The following RANBP6 variants were observed in gnomAD, a reference collection of about 807,000 sequenced individuals.
The protein encoded by RANBP6 is RAN binding protein 6.
RANBP6 carries 10 observed loss-of-function variants against 35.3 expected under a neutral mutation model. That is an observed-to-expected ratio of 0.28 (90% CI 0.17 to 0.48). RANBP6 has a LOEUF of 0.48. Ranked by LOEUF, RANBP6 falls within the 20% of genes least tolerant of loss-of-function variation. The probability of loss-of-function intolerance (pLI) is 0.99; values close to 1 mark genes in which losing one functional copy is unlikely to be tolerated. For synonymous variants in RANBP6, 514 were observed against 464.2 expected (o/e 1.11, Z -1.38); for missense variants, 1,392 against 1,307.7 (o/e 1.06, Z -0.99).
rs762843335 is a variant in RANBP6 at position 6,014,538 on chromosome 9, C to G, written c.1070G>C (p.Gly357Ala). ...TGGTAAAACAACTTTTCCACCAAGC[C>G]CACAAGCCAGTCTGTCTAGTGCACT... The part of the protein sequence containing the change: ...AESALDRLAC[G>A]LGGKVVLPMT... The change falls in exon 1 of 1, where the codon GGG (glycine) becomes GCG (alanine). Residue 357 changes from glycine to alanine, a missense_variant. Transcript: ENST00000259569. 8.7e-6 allele frequency: 14 copies of G among 1,614,016 alleles called. No homozygotes were observed. Among genetic ancestry groups the G allele is most frequent in the Non-Finnish European group, 1.1e-5 (13 of 1,180,036 alleles).
rs764855868 is a variant in RANBP6, at chr9:6,013,986, A to G, written c.1622T>C (p.Ile541Thr). ...AATGTGCTTTAGTGAGGGCATGAAT[A>G]TATCATAATATGGGACAAATTTTTC... ...IEEKFVPYYDIFMPSLKHIVE... is the reference protein window; with the variant it reads ...IEEKFVPYYDTFMPSLKHIVE... The change falls in exon 1 of 1, where the codon ATA (isoleucine) becomes ACA (threonine). Residue 541 changes from isoleucine (I) to threonine (T), a missense_variant. By Grantham distance (89) the Ile-to-Thr change is moderately conservative. Transcript: ENST00000259569. 18 of 1,613,822 alleles carry G rather than the reference A, an allele frequency of 1.1e-5. No homozygotes were observed. The highest frequency in any genetic ancestry group is 1.3e-5 in the Non-Finnish European group (15 of 1,179,966).
chr9:6,013,555 C>T lies in RANBP6; in HGVS notation c.2053G>A (p.Ala685Thr). 1 of 1,614,226 alleles carries T rather than the reference C, an allele frequency of 6.2e-7. No homozygotes were observed. The highest frequency in any genetic ancestry group is 8.5e-7 in the Non-Finnish European group (1 of 1,180,026). The change falls in exon 1 of 1, where the codon GCA becomes ACA. Residue 685 changes from alanine to threonine, a missense_variant. Ala to Thr is a moderately conservative substitution (Grantham distance 58). Transcript: ENST00000259569. ...AACATTTGGCAAGCAGTTGCTTTTG[C>T]TTCAAGTCCTGAAGTTTTAATTCCA... is the stretch of plus-strand genomic sequence containing the variant. Reference protein sequence around the residue: ...SFGIKTSGLEAKATACQMLVY... With the variant: ...SFGIKTSGLETKATACQMLVY...
rs747700133 is a variant in RANBP6, at chr9:6,015,432, T to C, written c.176A>G (p.Asn59Ser). ...KTTFLLDAVR[N>S]RRAGYEVRQM... ...TCTCACCTCATAACCTGCTCTTCTA[T>C]TTCTGACGGCATCTAAGAGGAAGGT... Residue 59 changes from asparagine (N) to serine (S), a missense_variant, in exon 1 of 1, where the codon AAT (asparagine) becomes AGT (serine). By Grantham distance (46) the Asn-to-Ser change is conservative (BLOSUM62 1). Coordinates refer to ENST00000259569, the MANE Select transcript of RANBP6 (RefSeq NM_012416.4). 3 of 1,614,212 alleles carry C rather than the reference T, an allele frequency of 1.9e-6. No individual in the cohort carries two copies. Among genetic ancestry groups the C allele is most frequent in the Admixed American group, 1.7e-5 (1 of 60,030 alleles).
In RANBP6 at chr9:6,014,458, G is replaced by A; in HGVS notation, c.1150C>T (p.His384Tyr). 1.2e-6 allele frequency: 2 copies of A among 1,614,200 alleles called. No individual in the cohort carries two copies. Among genetic ancestry groups the A allele is most frequent in the African/African-American group, 2.7e-5 (2 of 75,032 alleles). The change falls in exon 1 of 1, where the codon CAT (histidine) becomes TAT (tyrosine). Residue 384 changes from histidine to tyrosine, a missense_variant. Coordinates refer to ENST00000259569, the MANE Select transcript of RANBP6 (RefSeq NM_012416.4). ...MLQSPDWKYR[H>Y]AGLMALSAIG... ...GCAGATAAGGCCATTAATCCAGCAT[G>A]TCGATACTTCCAGTCAGGGCTCTGA...
At position 6,015,264 on chromosome 9, in the gene RANBP6, T is replaced by G; in HGVS notation, c.344A>C (p.Lys115Thr). Reference protein sequence around the residue: ...VKLETHASMRKKLCDIFAVLA... With the variant: ...VKLETHASMRTKLCDIFAVLA... ...CACTGCAAAAATATCACAAAGTTTT[T>G]TCCTCATGCTAGCATGTGTTTCTAA... Residue 115 changes from lysine (K) to threonine (T), a missense_variant, in exon 1 of 1, where the codon AAA becomes ACA. By Grantham distance (78) the Lys-to-Thr change is moderately conservative. Coordinates refer to ENST00000259569, the MANE Select transcript of RANBP6 (RefSeq NM_012416.4). 1 of 1,614,240 alleles carries G rather than the reference T, an allele frequency of 6.2e-7. No homozygotes were observed. Among genetic ancestry groups the G allele is most frequent in the Non-Finnish European group, 8.5e-7 (1 of 1,180,040 alleles).
chr9:6,013,330 G>C lies in RANBP6; in HGVS notation c.2278C>G (p.Pro760Ala), dbSNP rs1218382017. 6.2e-7 allele frequency: 1 copy of C among 1,613,944 alleles called. No homozygotes were observed. The highest frequency in any genetic ancestry group is 2.2e-5 in the East Asian group (1 of 44,890). The change falls in exon 1 of 1, where the codon CCC becomes GCC. Residue 760 changes from proline (P) to alanine (A), a missense_variant. Physicochemically the swap from Pro to Ala is conservative, Grantham distance 27. Coordinates refer to ENST00000259569, the MANE Select transcript of RANBP6 (RefSeq NM_012416.4). ...LAQMWQFICD[P>A]LIKAIGTEPD... ...TCAGTACCAATAGCCTTGATTAAGG[G>C]GTCACATATGAATTGCCACATCTGT...
rs117422236 is a variant in RANBP6, at chr9:6,013,523, G to A, written c.2085C>T (p.Tyr695=). ...AKATACQMLV[Y]YAKELREGFV... Reference sequence around the variant, plus strand: ...ACCCTTCCCTTAACTCCTTAGCATAGTAAACCAACATTTGGCAAGCAGTTG... The same window carrying A: ...ACCCTTCCCTTAACTCCTTAGCATAATAAACCAACATTTGGCAAGCAGTTG... Residue 695 remains tyrosine, a synonymous_variant, in exon 1 of 1, where the codon TAC becomes TAT. Transcript: ENST00000259569. 1.4e-3 allele frequency: 2,313 copies of A among 1,614,158 alleles called. 5 individuals are homozygous for A. The highest frequency in any genetic ancestry group is 1.6e-3 in the Non-Finnish European group (1,894 of 1,180,022).
In RANBP6 at chr9:6,012,733, G is replaced by C; in HGVS notation, c.2875C>G (p.Leu959Val). The C allele has an allele frequency of 6.2e-7, 1 of 1,614,082 alleles. No individual in the cohort carries two copies. Among genetic ancestry groups the C allele is most frequent in the Non-Finnish European group, 8.5e-7 (1 of 1,180,026 alleles). ...RSLCSEAVPL[L>V]VKVIKCANSK... The stretch of plus-strand genomic sequence containing the variant: ...TTTGCACACTTAATAACTTTTACCA[G>C]AAGTGGAACAGCTTCTGAACATAAA... The change falls in exon 1 of 1, where the codon CTG becomes GTG. Residue 959 changes from leucine (L) to valine (V), a missense_variant. Transcript: ENST00000259569.
rs1443800397 is a variant in RANBP6, at chr9:6,015,596, G to A, written c.12C>T (p.Thr4=). MAA[T]ASAGVPATVS... ...CGGTCGCCGGCACCCCTGCAGACGC[G>A]GTTGCCGCCATTGCGCTCTGTCAAA... Residue 4 remains threonine (T), a synonymous_variant, in exon 1 of 1, where the codon ACC becomes ACT. Coordinates refer to ENST00000259569, the MANE Select transcript of RANBP6 (RefSeq NM_012416.4). 6 of 1,595,016 alleles carry A rather than the reference G, an allele frequency of 3.8e-6. No individual in the cohort carries two copies. The highest frequency in any genetic ancestry group is 4.3e-6 in the Non-Finnish European group (5 of 1,176,424).
rs1842527543 is a variant in RANBP6 at position 6,013,989 on chromosome 9, T to G, written c.1619A>C (p.Asp540Ala). The change falls in exon 1 of 1, where the codon GAT becomes GCT. Residue 540 changes from aspartate to alanine, a missense_variant. By Grantham distance (126) the Asp-to-Ala change is moderately radical. Transcript: ENST00000259569. ...TIEEKFVPYYDIFMPSLKHIV... is the reference protein window; with the variant it reads ...TIEEKFVPYYAIFMPSLKHIV... ...GTGCTTTAGTGAGGGCATGAATATA[T>G]CATAATATGGGACAAATTTTTCTTC... 1 of 1,613,794 alleles carries G rather than the reference T, an allele frequency of 6.2e-7. No homozygotes were observed. Among genetic ancestry groups the G allele is most frequent in the African/African-American group, 1.3e-5 (1 of 74,926 alleles).
chr9:6,013,321 T>C lies in RANBP6; in HGVS notation c.2287A>G (p.Lys763Glu). 1 of 1,614,164 alleles carries C rather than the reference T, an allele frequency of 6.2e-7. No homozygotes were observed. The highest frequency in any genetic ancestry group is 1.1e-5 in the South Asian group (1 of 91,084). ...GTATCTGGTTCAGTACCAATAGCCT[T>C]GATTAAGGGGTCACATATGAATTGC... ...MWQFICDPLI[K>E]AIGTEPDTDV... Residue 763 changes from lysine to glutamate, a missense_variant, in exon 1 of 1, where the codon AAG becomes GAG. Lys to Glu is a moderately conservative substitution (Grantham distance 56, BLOSUM62 1). Transcript: ENST00000259569.
In RANBP6 at chr9:6,012,903, T is replaced by C; in HGVS notation, c.2705A>G (p.His902Arg). 6.2e-7 allele frequency: 1 copy of C among 1,614,178 alleles called. No homozygotes were observed. The change falls in exon 1 of 1, where the codon CAC (histidine) becomes CGC (arginine). Residue 902 changes from histidine (H) to arginine (R), a missense_variant. His to Arg is a conservative substitution (Grantham distance 29). Transcript: ENST00000259569. ...ATATTTAAATGAAGTTGGACTGCAG[T>C]GCTCTATGATGTCATCAAATATGCA... ...GLCIFDDIIE[H>R]CSPTSFKYVE...
Position 6,013,326 on chromosome 9 carries a change from A to T in RANBP6, c.2282T>A (p.Leu761Ter). The change falls in exon 1 of 1, where the codon TTA becomes TAA. Residue 761 changes from leucine (L) to a stop codon, truncating the protein, a stop_gained. Coordinates refer to ENST00000259569, the MANE Select transcript of RANBP6 (RefSeq NM_012416.4). LOFTEE classifies it high-confidence loss of function. ...AQMWQFICDP[L>*]IKAIGTEPDT... ...TGGTTCAGTACCAATAGCCTTGATT[A>T]AGGGGTCACATATGAATTGCCACAT... The T allele has an allele frequency of 6.2e-7, 1 of 1,614,202 alleles. No homozygotes were observed. The highest frequency in any genetic ancestry group is 1.1e-5 in the South Asian group (1 of 91,088).
Position 6,012,763 on chromosome 9 carries a change from G to C in RANBP6, c.2845C>G (p.Arg949Gly), listed in dbSNP as rs147043824. 1 of 1,613,978 alleles carries C rather than the reference G, an allele frequency of 6.2e-7. No individual in the cohort carries two copies. Among genetic ancestry groups the C allele is most frequent in the Admixed American group, 1.7e-5 (1 of 59,990 alleles). Reference sequence around the variant, plus strand: ...GGAACAGCTTCTGAACATAAAGAACGATAATCATCTCCACCAAACTGTGCC... The same window carrying C: ...GGAACAGCTTCTGAACATAAAGAACCATAATCATCTCCACCAAACTGTGCC... Reference protein sequence around the residue: ...VMAQFGGDDYRSLCSEAVPLL... With the variant: ...VMAQFGGDDYGSLCSEAVPLL... The change falls in exon 1 of 1, where the codon CGT becomes GGT. Residue 949 changes from arginine (R) to glycine (G), a missense_variant. By Grantham distance (125) the Arg-to-Gly change is moderately radical. Transcript: ENST00000259569.
In RANBP6 at chr9:6,011,519, A is replaced by C. The variant is rs1842469964; in HGVS notation, c.*771T>G. On this transcript the variant is annotated 3_prime_UTR_variant, in exon 1 of 1. Coordinates refer to ENST00000259569, the MANE Select transcript of RANBP6 (RefSeq NM_012416.4). ...AAATAATACTCTGCTGAAACACATA[A>C]CACTGACTCCCAAGAATACTGCTTA... is the stretch of plus-strand genomic sequence containing the variant. 6.6e-6 allele frequency: 1 copy of C among 152,202 alleles called. No individual in the cohort carries two copies. Among genetic ancestry groups the C allele is most frequent in the African/African-American group, 2.4e-5 (1 of 41,428 alleles). The allele number at this position is 152,202 out of a possible 1,614,324, so 9.4% of individuals were successfully genotyped here.
In RANBP6 at chr9:6,014,234, C is replaced by T; in HGVS notation, c.1374G>A (p.Met458Ile). ...GCACACGCTGATTACCTTGATTTTC[C>T]ATGGTACGTAACAGAGCTGCAATCA... is the stretch of plus-strand genomic sequence containing the variant. Reference protein sequence around the residue: ...ETVIAALLRTMENQGNQRVQS... With the variant: ...ETVIAALLRTIENQGNQRVQS... The change falls in exon 1 of 1, where the codon ATG becomes ATA. Residue 458 changes from methionine to isoleucine, a missense_variant. By Grantham distance (10) the Met-to-Ile change is conservative (BLOSUM62 1). Transcript: ENST00000259569. The T allele has an allele frequency of 6.2e-7, 1 of 1,613,682 alleles. No individual in the cohort carries two copies. Among genetic ancestry groups the T allele is most frequent in the Non-Finnish European group, 8.5e-7 (1 of 1,179,874 alleles).
At position 6,012,389 on chromosome 9, in the gene RANBP6, C is replaced by T; in HGVS notation, c.3219G>A (p.Val1073=). 1 of 1,613,906 alleles carries T rather than the reference C, an allele frequency of 6.2e-7. No individual in the cohort carries two copies. ...AATCTTCAGAAGTCTGTACCTGACGCACGACATTAGCTAGGCGTTTGGCAC... is the reference window on the plus strand; with the variant it reads ...AATCTTCAGAAGTCTGTACCTGACGTACGACATTAGCTAGGCGTTTGGCAC... The part of the protein sequence containing the change: ...DPCAKRLANV[V]RQVQTSEDLW... The change falls in exon 1 of 1, where the codon GTG becomes GTA. Residue 1073 remains valine, a synonymous_variant. Transcript: ENST00000259569.
rs1842508240 is a variant in RANBP6, at chr9:6,013,270, A to G, written c.2338T>C (p.Ser780Pro). Reference sequence around the variant, plus strand: ...ATAACTTCAATGGACTTTGCAAAAGAATTCATTATTTCTGAGAGCACATCT... The same window carrying G: ...ATAACTTCAATGGACTTTGCAAAAGGATTCATTATTTCTGAGAGCACATCT... ...DTDVLSEIMN[S>P]FAKSIEVMGD... is the part of the protein sequence containing the mutation. Residue 780 changes from serine (S) to proline (P), a missense_variant, in exon 1 of 1, where the codon TCT becomes CCT. Ser to Pro is a moderately conservative substitution (Grantham distance 74). Coordinates refer to ENST00000259569, the MANE Select transcript of RANBP6 (RefSeq NM_012416.4). 1.2e-6 allele frequency: 2 copies of G among 1,614,046 alleles called. No homozygotes were observed. Among genetic ancestry groups the G allele is most frequent in the Non-Finnish European group, 1.7e-6 (2 of 1,180,054 alleles).
rs754185611 is a variant in RANBP6 at position 6,012,628 on chromosome 9, A to G, written c.2980T>C (p.Cys994Arg). The part of the protein sequence containing the change: ...IGKILKFKPN[C>R]VNVDEVLPHW... ...GGAAGAACTTCATCTACATTTACAC[A>G]GTTAGGCTTAAACTTCAAAATCTTC... Residue 994 changes from cysteine (C) to arginine (R), a missense_variant, in exon 1 of 1, where the codon TGT (cysteine) becomes CGT (arginine). Transcript: ENST00000259569. The G allele has an allele frequency of 1.2e-6, 2 of 1,613,838 alleles. No individual in the cohort carries two copies. Among genetic ancestry groups the G allele is most frequent in the Non-Finnish European group, 1.7e-6 (2 of 1,179,948 alleles).
Sources: allele counts gnomAD v4.1 joint callset, GRCh38; gene constraint gnomAD v4.1.1; transcripts MANE v1.5; gene names NCBI Gene and HGNC (gene_info 2026-07-23, HGNC 2026-07-21).